ZNF585A: variants seen among roughly 807,000 people sequenced by gnomAD.
ZNF585A encodes the protein zinc finger protein 585A.
ZNF585A carries 9 observed loss-of-function variants against 14.9 expected under a neutral mutation model. The observed-to-expected ratio is 0.60, with a 90% CI of 0.36 to 1.05. The LOEUF (loss-of-function observed/expected upper bound fraction) is 1.05. Among genes scored for constraint, ZNF585A ranks in the 50% least tolerant of loss-of-function variants. ZNF585A has a pLI of 0.01. For missense variants in ZNF585A, 726 were observed against 926.4 expected, an observed-to-expected ratio of 0.78 and a Z score of 2.81; for synonymous variants, 276 against 319.9, an observed-to-expected ratio of 0.86 and a Z score of 1.46.
chr19:37,164,327 C>T (rs1267588001), intron 2 of ZNF585A, among the ~76,000 whole-genome samples: 3 of 151,746 alleles, frequency 2.0e-5, no homozygotes, highest in Admixed American at 6.6e-5. Context: ...GGCGTGGACC[C>T]GGGAGGCGGA....
intron 2 of ZNF585A, among the ~76,000 whole-genome samples, chr19:37,156,732 T>A (rs1373932323): frequency 6.6e-6 from 1 of 152,038 alleles, no homozygotes; most frequent in Non-Finnish European, 1.5e-5. Flanking sequence ...CGCTCTGTTG[T>A]CCAGGCTGGA....
chr19:37,157,782 G>C (rs1971953272), intron 2 of ZNF585A, among the ~76,000 whole-genome samples: 1 of 152,100 alleles, frequency 6.6e-6, no homozygotes, highest in South Asian at 2.1e-4. Context: ...TCAAAGTATG[G>C]AATTTTTACT....
Position 37,147,443 on chromosome 19 carries a change from A to C in ZNF585A, c.*4146T>G, listed in dbSNP as rs1416464143. The C allele has an allele frequency of 6.6e-6, 1 of 152,122 alleles. No individual in the cohort carries two copies. The highest frequency in any genetic ancestry group is 2.4e-5 in the African/African-American group (1 of 41,422). 9.4% of individuals were successfully genotyped at this position (152,122 alleles called of 1,614,324 possible). On this transcript the variant is annotated 3_prime_UTR_variant, in exon 5 of 5. Transcript: ENST00000292841. The stretch of plus-strand genomic sequence containing the variant: ...AAATGTTGACTAACTCCAACTGCAG[A>C]CTCTCTGGCCTCTTTTATTGTAGTT...
intron 2 of ZNF585A, among the ~76,000 whole-genome samples, chr19:37,161,827 G>C (rs954012874): frequency 6.6e-6 from 1 of 152,150 alleles, no homozygotes; most frequent in African/African-American, 2.4e-5. Flanking sequence ...TGTATGAGCA[G>C]GTCTCTGAAT....
At chr19:37,160,392 AG>A (rs1045466740) in intron 2 of ZNF585A, among the ~76,000 whole-genome samples, 4 of 150,874 alleles carry the variant, frequency 2.7e-5, no homozygotes, top group Non-Finnish European at 5.9e-5. Context: ...ATAAATAACT[AG>A]AAAAAGAAGA....
At chr19:37,161,311 A>T (rs930033895) in intron 2 of ZNF585A, among the ~76,000 whole-genome samples, 4 of 152,204 alleles carry the variant, frequency 2.6e-5, no homozygotes, top group African/African-American at 7.2e-5. Flanking sequence ...TTTATGGGGG[A>T]ACTCTTTGTA....
At chr19:37,157,949 T>C (rs1442714495) in intron 2 of ZNF585A, among the ~76,000 whole-genome samples, 1 of 150,574 alleles carries the variant, frequency 6.6e-6, no homozygotes, top group Non-Finnish European at 1.5e-5. Context: ...AGTGCAGTGG[T>C]GCGATCTCGG....
In ZNF585A at chr19:37,153,350, C is replaced by G. The variant is rs1971871324; in HGVS notation, c.549G>C (p.Glu183Asp). 1 of 1,614,134 alleles carries G rather than the reference C, an allele frequency of 6.2e-7. No individual in the cohort carries two copies. The highest frequency in any genetic ancestry group is 8.5e-7 in the Non-Finnish European group (1 of 1,180,012). ...CACATTCATTGCATTTAAAGGGTTTCTCTCTCATATGGGTTTTCTGGTGTA... is the reference window on the plus strand; with the variant it reads ...CACATTCATTGCATTTAAAGGGTTTGTCTCTCATATGGGTTTTCTGGTGTA... ...FIIHQKTHMR[E>D]KPFKCNECGK... The change falls in exon 5 of 5, where the codon GAG (glutamate) becomes GAC (aspartate). Residue 183 changes from glutamate to aspartate, a missense_variant. By Grantham distance (45) the Glu-to-Asp change is conservative. This residue lies in a region of ZNF585A where 483 missense variants were observed against 542.8 expected (regional missense o/e 0.89). Transcript: ENST00000292841.
Position 37,151,239 on chromosome 19 carries a change from T to C in ZNF585A, c.*350A>G. 2.3e-6 allele frequency: 1 copy of C among 426,340 alleles called. No homozygotes were observed. The highest frequency in any genetic ancestry group is 2.0e-5 in the African/African-American group (1 of 49,388). The allele number at this position is 426,340 out of a possible 1,614,324, so 26.4% of individuals were successfully genotyped here. On this transcript the variant is annotated 3_prime_UTR_variant, in exon 5 of 5. Coordinates refer to ENST00000292841, the MANE Select transcript of ZNF585A (RefSeq NM_001288800.2). ...TCATTCAATTTGTTGGCACTATACC[T>C]AATCCACAGTAAACAGGATTATCGT...
At position 37,146,443 on chromosome 19, in the gene ZNF585A, G is replaced by A. The variant is rs536442577; in HGVS notation, c.*5146C>T. The A allele has an allele frequency of 6.6e-6, 1 of 152,292 alleles. No individual in the cohort carries two copies. Among genetic ancestry groups the A allele is most frequent in the East Asian group, 1.9e-4 (1 of 5,178 alleles). 9.4% of individuals were successfully genotyped at this position (152,292 alleles called of 1,614,324 possible). A position where few individuals can be genotyped will look rare whatever the true frequency, so the allele number is the denominator to read the frequency against. The stretch of plus-strand genomic sequence containing the variant: ...GTAGCCCATTTGAGAGCTGAGGGTG[G>A]AGGGTGTGATTCATCCTGGCATTAT... On this transcript the variant is annotated 3_prime_UTR_variant, in exon 5 of 5. Transcript: ENST00000292841.
At position 37,152,969 on chromosome 19, in the gene ZNF585A, C is replaced by G; in HGVS notation, c.930G>C (p.Lys310Asn). The change falls in exon 5 of 5, where the codon AAG (lysine) becomes AAC (asparagine). Residue 310 changes from lysine (K) to asparagine (N), a missense_variant. By Grantham distance (94) the Lys-to-Asn change is moderately conservative. This residue lies in a region of ZNF585A where 483 missense variants were observed against 542.8 expected (regional missense o/e 0.89). Transcript: ENST00000292841. ...CSNCGKSFISKSQLQVHQRVH... is the reference protein window; with the variant it reads ...CSNCGKSFISNSQLQVHQRVH... The stretch of plus-strand genomic sequence containing the variant: ...CACGTTGATGTACCTGAAGTTGTGA[C>G]TTGGAAATGAAGGATTTGCCACAGT... 6.2e-7 allele frequency: 1 copy of G among 1,614,172 alleles called. No individual in the cohort carries two copies. The highest frequency in any genetic ancestry group is 1.1e-5 in the South Asian group (1 of 91,088).
Position 37,151,988 on chromosome 19 carries a change from G to A in ZNF585A, c.1911C>T (p.Ala637=), listed in dbSNP as rs760398288. 33 of 1,613,134 alleles carry A rather than the reference G, an allele frequency of 2.0e-5. No homozygotes were observed. Among genetic ancestry groups the A allele is most frequent in the South Asian group, 4.4e-5 (4 of 91,038 alleles). ...VHTGEKPYVC[A]ECGKAFSGRS... is the part of the protein sequence containing the mutation. ...TGCCACTAAAGGCCTTCCCGCACTC[G>A]GCACACACATAGGGTTTCTCTCCTG... The change falls in exon 5 of 5, where the codon GCC becomes GCT. Residue 637 remains alanine (A), a synonymous_variant. Coordinates refer to ENST00000292841, the MANE Select transcript of ZNF585A (RefSeq NM_001288800.2).
intron 2 of ZNF585A, among the ~76,000 whole-genome samples, chr19:37,157,994 T>C (rs1971957514): frequency 6.6e-6 from 1 of 151,696 alleles, no homozygotes; most frequent in Non-Finnish European, 1.5e-5. Flanking sequence ...ATTCAAGCCG[T>C]TCTCTGCCTC....
At chr19:37,167,228 G>A (rs1972106376) in intron 2 of ZNF585A, among the ~76,000 whole-genome samples, 1 of 151,938 alleles carries the variant, frequency 6.6e-6, no homozygotes, top group Non-Finnish European at 1.5e-5. Context: ...GGGCTGAAGT[G>A]CAGTGGCACA....
chr19:37,171,612 G>A (rs1013730342), intron 1 of ZNF585A, among the ~76,000 whole-genome samples: 1 of 152,140 alleles, frequency 6.6e-6, no homozygotes, highest in African/African-American at 2.4e-5. Context: ...TATTAAAAAT[G>A]CACATATGCC....
At chr19:37,171,995 T>G (rs1370104158) in intron 1 of ZNF585A, among the ~76,000 whole-genome samples, 1 of 149,640 alleles carries the variant, frequency 6.7e-6, no homozygotes, top group Non-Finnish European at 1.5e-5. Flanking sequence ...CTTTCCAGAG[T>G]TGAGTACTTT....
In ZNF585A at chr19:37,165,460, T is replaced by C. The variant is rs187120572; in HGVS notation, c.72+4379A>G. 422 of 157,958 alleles carry C rather than the reference T, an allele frequency of 2.7e-3. 3 individuals carry two copies. Among genetic ancestry groups the C allele is most frequent in the Non-Finnish European group, 4.0e-3 (296 of 73,180 alleles). 9.8% of individuals were successfully genotyped at this position (157,958 alleles called of 1,614,324 possible). On this transcript the variant is annotated intron_variant, in intron 2 of 4. Coordinates refer to ENST00000292841, the MANE Select transcript of ZNF585A (RefSeq NM_001288800.2). ...AATTATTTTTAGTACAGTTTTGCTA[T>C]ATACCAGAGCTTCTGATATATATAT...
intron 2 of ZNF585A, among the ~76,000 whole-genome samples, chr19:37,164,207 G>A (rs1415095198): frequency 6.6e-6 from 1 of 151,868 alleles, no homozygotes; most frequent in African/African-American, 2.4e-5. Flanking sequence ...TCACGAGGTC[G>A]GGAGATCGAG....
At position 37,149,399 on chromosome 19, in the gene ZNF585A, TAA is replaced by T. The variant is rs1001902112; in HGVS notation, c.*2188_*2189del. 6.6e-5 allele frequency: 10 copies of T among 152,202 alleles called. No individual in the cohort carries two copies. The highest frequency in any genetic ancestry group is 2.4e-4 in the African/African-American group (10 of 41,460). The allele number at this position is 152,202 out of a possible 1,614,324, so 9.4% of individuals were successfully genotyped here. On this transcript the variant is annotated 3_prime_UTR_variant, in exon 5 of 5. Coordinates refer to ENST00000292841, the MANE Select transcript of ZNF585A (RefSeq NM_001288800.2). ...TTATAATATTGTTACAATAAATATA[TAA>T]GAGAAATAATCAAAAGTCATTTACA...
Sources: gnomAD v4.1 joint callset for allele counts (sites outside exome capture counted in the v4.1 genomes callset) on GRCh38, gnomAD v4.1.1 for gene constraint, gnomAD v4.1.1 regional missense constraint, MANE v1.5 for transcripts, NCBI Gene and HGNC (gene_info 2026-07-23, HGNC 2026-07-21) for gene names.